GPC5: variants seen among roughly 807,000 people sequenced by gnomAD.
GPC5 encodes glypican-5.
GPC5 carries 47 observed loss-of-function variants against 53.9 expected under a neutral mutation model. The ratio of observed to expected loss-of-function variants is 0.87; its 90% CI spans 0.69 to 1.11. GPC5 has a LOEUF of 1.11. Among genes scored for constraint, GPC5 ranks in the 50% most tolerant of loss-of-function variants. GPC5 has a pLI of 0.00. For missense variants in GPC5, 748 were observed against 713.1 expected, an observed-to-expected ratio of 1.05 and a Z score of -0.56; for synonymous variants, 286 against 263.3, an observed-to-expected ratio of 1.09 and a Z score of -0.84.
chr13:92,414,471 C>T (rs1311846940), intron 7 of GPC5, among the ~76,000 whole-genome samples: 1 of 149,586 alleles, frequency 6.7e-6, no homozygotes, highest in Non-Finnish European at 1.5e-5. Flanking sequence ...TGCCACTGCA[C>T]TCCAGCCTGG....
chr13:91,799,704 C>T (rs1306886873), intron 5 of GPC5, among the ~76,000 whole-genome samples: 1 of 152,078 alleles, frequency 6.6e-6, no homozygotes, highest in Non-Finnish European at 1.5e-5. Flanking sequence ...GTGTTTTGAA[C>T]ATTATAGATC....
At chr13:91,950,298 T>A (rs191675380) in intron 6 of GPC5, among the ~76,000 whole-genome samples, 67 of 140,886 alleles carry the variant, frequency 4.8e-4, no homozygotes, top group African/African-American at 1.7e-3. Flanking sequence ...TGAATTAGCA[T>A]CTTTAGCATT....
intron 2 of GPC5, 87 bp downstream of exon 2, chr13:91,449,009 T>G: frequency 7.2e-7 from 1 of 1,383,760 alleles, no homozygotes; most frequent in Non-Finnish European, 9.9e-7. Context: ...TTGGCTGGGT[T>G]TATTTCCTTG....
At chr13:91,791,074 A>C (rs1259517214) in intron 5 of GPC5, among the ~76,000 whole-genome samples, 1 of 152,204 alleles carries the variant, frequency 6.6e-6, no homozygotes, top group African/African-American at 2.4e-5. Flanking sequence ...AACACAAGGT[A>C]CTCACTTCTT....
At chr13:91,964,697 T>A (rs1456592465) in intron 6 of GPC5, among the ~76,000 whole-genome samples, 1 of 152,124 alleles carries the variant, frequency 6.6e-6, no homozygotes, top group East Asian at 1.9e-4. Flanking sequence ...CCAGCCAGCT[T>A]CACCTCTCAA....
chr13:92,309,036 T>A (rs1229926686), intron 7 of GPC5, among the ~76,000 whole-genome samples: 4 of 151,986 alleles, frequency 2.6e-5, no homozygotes, highest in African/African-American at 9.7e-5. Context: ...ATTCATAAAA[T>A]GAAAAACAAA....
chr13:92,759,417 C>G (rs1265874172), intron 7 of GPC5, among the ~76,000 whole-genome samples: 2 of 151,794 alleles, frequency 1.3e-5, no homozygotes, highest in African/African-American at 4.8e-5. Flanking sequence ...TTTTCATTAA[C>G]ATTTTATAGT....
At chr13:91,494,034 C>T (rs528589914) in intron 2 of GPC5, among the ~76,000 whole-genome samples, 3 of 150,240 alleles carry the variant, frequency 2.0e-5, no homozygotes, top group Middle Eastern at 3.4e-3. Context: ...CCACCACACC[C>T]GGCTAATTTT....
chr13:92,058,567 C>CTTAT (rs1448832957), intron 6 of GPC5, among the ~76,000 whole-genome samples: 1 of 152,008 alleles, frequency 6.6e-6, no homozygotes, highest in African/African-American at 2.4e-5. Context: ...TATTTATTTA[C>CTTAT]TTATTTATTT....
intron 7 of GPC5, chr13:92,705,821 C>G (rs1481847844): frequency 6.6e-6 from 1 of 151,824 alleles, no homozygotes; most frequent in Non-Finnish European, 1.5e-5. Context: ...CACAGTGGCT[C>G]ACACCTGTAG....
At chr13:92,594,114 A>G (rs1486983657) in intron 7 of GPC5, among the ~76,000 whole-genome samples, 1 of 152,208 alleles carries the variant, frequency 6.6e-6, no homozygotes, top group East Asian at 1.9e-4. Context: ...CCCTATATCC[A>G]GATTGCCAGA....
intron 2 of GPC5, among the ~76,000 whole-genome samples, chr13:91,541,597 C>T (rs1172139304): frequency 1.3e-5 from 2 of 151,558 alleles, no homozygotes; most frequent in Non-Finnish European, 2.9e-5. Flanking sequence ...CCTGTTTATT[C>T]TTCAGTATAA....
At chr13:91,445,905 T>C (rs1880772709) in intron 1 of GPC5, among the ~76,000 whole-genome samples, 1 of 152,188 alleles carries the variant, frequency 6.6e-6, no homozygotes, top group South Asian at 2.1e-4. Flanking sequence ...AGTGGGTCGC[T>C]GTGCTTTCCT....
intron 7 of GPC5, among the ~76,000 whole-genome samples, chr13:92,263,379 C>T (rs2042779569): frequency 6.6e-6 from 1 of 151,822 alleles, no homozygotes; most frequent in Admixed American, 6.6e-5. Flanking sequence ...GCTTCCCACT[C>T]AGCTGGGAAA....
intron 6 of GPC5, among the ~76,000 whole-genome samples, chr13:91,957,474 A>T (rs1414715529): frequency 6.6e-6 from 1 of 152,168 alleles, no homozygotes; most frequent in Non-Finnish European, 1.5e-5. Context: ...GGAAGCTCGG[A>T]GATCCCCAAA....
chr13:91,830,996 TATATATATCCTATTATATATATAAC>T lies in GPC5; in HGVS notation c.1280+74599_1280+74623del, dbSNP rs1313693782. On this transcript the variant is annotated intron_variant, in intron 5 of 7. Coordinates refer to ENST00000377067, the MANE Select transcript of GPC5 (RefSeq NM_004466.6). Reference sequence around the variant, plus strand: ...ATTATATATCCTATTATATATATAATATATATATCCTATTATATATATAACATATATATCCTATTATATATATTAT... The same window carrying T: ...ATTATATATCCTATTATATATATAATATATATATCCTATTATATATATTAT... Among the ~76,000 whole-genome samples the T allele has an allele frequency of 9.6e-5, 13 of 136,088 alleles. No homozygotes were observed. The South Asian group carries it at 1.5e-3, about 16-fold the overall frequency. 89.3% of individuals were successfully genotyped at this position (136,088 alleles called of 152,430 possible).
chr13:92,694,803 C>G (rs1243429382), intron 7 of GPC5, among the ~76,000 whole-genome samples: 2 of 152,068 alleles, frequency 1.3e-5, no homozygotes, highest in Non-Finnish European at 2.9e-5. Context: ...TGAAAATGAC[C>G]TGAGATTTCA....
intron 2 of GPC5, among the ~76,000 whole-genome samples, chr13:91,624,678 C>T (rs1015670938): frequency 6.6e-6 from 1 of 151,944 alleles, no homozygotes; most frequent in African/African-American, 2.4e-5. Flanking sequence ...TTACAACTTA[C>T]ATGTTTTATC....
intron 7 of GPC5, among the ~76,000 whole-genome samples, chr13:92,430,510 T>A (rs1341817516): frequency 6.6e-6 from 1 of 151,348 alleles, no homozygotes; most frequent in Admixed American, 6.6e-5. Flanking sequence ...ATGTGTTTAC[T>A]TGAAACAGAC....
Sources: allele counts gnomAD v4.1 joint callset (sites outside exome capture counted in the v4.1 genomes callset), GRCh38; gene constraint gnomAD v4.1.1; transcripts MANE v1.5; gene names NCBI Gene and HGNC (gene_info 2026-07-23, HGNC 2026-07-21).